ISL1: variants seen among roughly 807,000 people sequenced by gnomAD.
ISL1 encodes ISL LIM homeobox 1.
ISL1 carries 4 observed loss-of-function variants against 35.3 expected under a neutral mutation model. That is an observed-to-expected ratio of 0.11 (90% CI 0.06 to 0.26). ISL1 has a LOEUF of 0.26. Among genes scored for constraint, ISL1 ranks in the 10% least tolerant of loss-of-function variants. The probability of loss-of-function intolerance (pLI) is 1.00; values close to 1 mark genes in which losing one functional copy is unlikely to be tolerated. For synonymous variants in ISL1, 186 were observed against 172.3 expected, an observed-to-expected ratio of 1.08 and a Z score of -0.62; for missense variants, 340 against 472.8, an observed-to-expected ratio of 0.72 and a Z score of 2.60.
Position 51,389,663 on chromosome 5 carries a change from A to C in ISL1, c.496A>C (p.Arg166=). The change falls in exon 4 of 6, where the codon AGG becomes CGG. Residue 166 remains arginine (R), a synonymous_variant. Transcript: ENST00000230658. The surrounding 1 kb of genome is among the most constrained non-coding windows in gnomAD (Gnocchi z 5.0). ...LQMAAEPISA[R]QPALRPHVHK... is the part of the protein sequence containing the mutation. ...CCCCGCAGCGGAGCCCATCTCCGCC[A>C]GGCAGCCAGCCCTGCGGCCCCACGT... 1 of 1,610,554 alleles carries C rather than the reference A, an allele frequency of 6.2e-7. No homozygotes were observed. The highest frequency in any genetic ancestry group is 8.5e-7 in the Non-Finnish European group (1 of 1,179,634).
chr5:51,384,241 GA>G (rs1240056881), intron 1 of ISL1, among the ~76,000 whole-genome samples: 5 of 123,832 alleles, frequency 4.0e-5, no homozygotes, highest in African/African-American at 9.5e-5. Flanking sequence ...TAGCAAAGAG[GA>G]AGGGGGGGGG....
intron 5 of ISL1, among the ~76,000 whole-genome samples, chr5:51,391,749 TG>T (rs1747520653): frequency 6.6e-6 from 1 of 151,958 alleles, no homozygotes; most frequent in Non-Finnish European, 1.5e-5. Flanking sequence ...AGATGTACAG[TG>T]TTGGAGAATC....
chr5:51,390,171 A>T (rs1010753706), intron 4 of ISL1, among the ~76,000 whole-genome samples: 1 of 152,162 alleles, frequency 6.6e-6, no homozygotes, highest in Non-Finnish European at 1.5e-5. Context: ...AGCAGCATCC[A>T]GGTCCCAACC....
intron 5 of ISL1, among the ~76,000 whole-genome samples, chr5:51,392,099 G>A (rs1291480696): frequency 1.3e-5 from 2 of 152,142 alleles, no homozygotes; most frequent in South Asian, 4.1e-4. Context: ...ATGTCATAGA[G>A]ACACACAGTG....
intron 2 of ISL1, among the ~76,000 whole-genome samples, chr5:51,385,173 A>G (rs745585771): frequency 9.9e-5 from 15 of 152,226 alleles, no homozygotes; most frequent in Non-Finnish European, 2.2e-4. Flanking sequence ...CATCAATGCA[A>G]TAGGTGAAAT....
chr5:51,389,559 AAGCG>A lies in ISL1; in HGVS notation c.479-70_479-67del, dbSNP rs1199747629. On this transcript the variant is annotated intron_variant, in intron 3 of 5. Coordinates refer to ENST00000230658, the MANE Select transcript of ISL1 (RefSeq NM_002202.3). This position sits in a 1 kb window ranked among gnomAD's most constrained non-coding sequence, Gnocchi z 5.0. ...CAAGTAAGCGGGCGGGCGGGCGGGCAAGCGAGCGAGCGAGCGAGCGCGCGACCGC... is the reference window on the plus strand; with the variant it reads ...CAAGTAAGCGGGCGGGCGGGCGGGCAAGCGAGCGAGCGAGCGCGCGACCGC... 309 of 1,241,480 alleles carry A rather than the reference AAGCG, an allele frequency of 2.5e-4. No individual in the cohort carries two copies. Among genetic ancestry groups the A allele is most frequent in the East Asian group, 4.0e-4 (13 of 32,188 alleles). The allele number at this position is 1,241,480 out of a possible 1,614,324, so 76.9% of individuals were successfully genotyped here. A position where few individuals can be genotyped will look rare whatever the true frequency, so the allele number is the denominator to read the frequency against.
rs1372998176 is a variant in ISL1, at chr5:51,389,479, T to C, written c.479-167T>C. The stretch of plus-strand genomic sequence containing the variant: ...CCCCCACCTCTGCCGCCCCCTGCTT[T>C]GTGTGCTGAGGCTGCAAACCCTAGC... On this transcript the variant is annotated intron_variant, in intron 3 of 5. Coordinates refer to ENST00000230658, the MANE Select transcript of ISL1 (RefSeq NM_002202.3). The surrounding 1 kb of genome is among the most constrained non-coding windows in gnomAD (Gnocchi z 5.0). Among the ~76,000 whole-genome samples the C allele has an allele frequency of 1.4e-5, 2 of 148,138 alleles. No homozygotes were observed. Among genetic ancestry groups the C allele is most frequent in the Non-Finnish European group, 3.0e-5 (2 of 67,138 alleles).
intron 2 of ISL1, chr5:51,386,227 A>G (rs1747338187): frequency 6.3e-6 from 1 of 159,800 alleles, no homozygotes; most frequent in Non-Finnish European, 1.4e-5. Flanking sequence ...AAGATTCTAG[A>G]GAAGGAGAGC....
At position 51,389,998 on chromosome 5, in the gene ISL1, C is replaced by A; in HGVS notation, c.765+66C>A. The A allele has an allele frequency of 6.4e-7, 1 of 1,555,460 alleles. No individual in the cohort carries two copies. On this transcript the variant is annotated intron_variant, in intron 4 of 5. Coordinates refer to ENST00000230658, the MANE Select transcript of ISL1 (RefSeq NM_002202.3). The surrounding 1 kb of genome is among the most constrained non-coding windows in gnomAD (Gnocchi z 5.0). The stretch of plus-strand genomic sequence containing the variant: ...GGAGACGCAGCGTGCGAGGTGCGTT[C>A]CTGGTACGCAGGATCGCACGGTTTT...
chr5:51,384,173 G>A (rs558606665), intron 1 of ISL1, among the ~76,000 whole-genome samples: 9 of 144,826 alleles, frequency 6.2e-5, no homozygotes, highest in Non-Finnish European at 1.3e-4. Context: ...TTCACTTAAC[G>A]CTTCTAGTCA....
chr5:51,389,615 C>T lies in ISL1; in HGVS notation c.479-31C>T, dbSNP rs377100014. ...GGCGGGCCGGCAAGCGAGCCTCCAG[C>T]CCAGCGCTCACGGCGCTCCTTGCCC... On this transcript the variant is annotated intron_variant, in intron 3 of 5. Coordinates refer to ENST00000230658, the MANE Select transcript of ISL1 (RefSeq NM_002202.3). The surrounding 1 kb of genome is among the most constrained non-coding windows in gnomAD (Gnocchi z 5.0). 351 of 1,587,708 alleles carry T rather than the reference C, an allele frequency of 2.2e-4. 6 individuals carry two copies. The South Asian group carries it at 3.1e-3, about 14-fold the overall frequency.
intron 2 of ISL1, among the ~76,000 whole-genome samples, chr5:51,386,825 G>A (rs1482162823): frequency 6.6e-6 from 1 of 152,152 alleles, no homozygotes; most frequent in Non-Finnish European, 1.5e-5. Context: ...TAACATTGCT[G>A]CCTGAAGAAA....
In ISL1 at chr5:51,387,523, C is replaced by T. The variant is rs755161643; in HGVS notation, c.252C>T (p.Ile84=). ...GGATCAAATGCGCCAAGTGCAGCAT[C>T]GGCTTCAGCAAGAACGACTTCGTGA... The part of the protein sequence containing the change: ...LYGIKCAKCS[I]GFSKNDFVMR... Residue 84 remains isoleucine, a synonymous_variant, in exon 3 of 6, where the codon ATC becomes ATT. Coordinates refer to ENST00000230658, the MANE Select transcript of ISL1 (RefSeq NM_002202.3). This position sits in a 1 kb window ranked among gnomAD's most constrained non-coding sequence, Gnocchi z 4.3. 6.2e-7 allele frequency: 1 copy of T among 1,614,180 alleles called. No individual in the cohort carries two copies. Among genetic ancestry groups the T allele is most frequent in the East Asian group, 2.2e-5 (1 of 44,872 alleles).
In ISL1 at chr5:51,383,676, G is replaced by T; in HGVS notation, c.5G>T (p.Gly2Val). Residue 2 changes from glycine (G) to valine (V), a missense_variant, in exon 1 of 6, where the codon GGA becomes GTA. This residue lies in a region of ISL1 where 22 missense variants were observed against 18.4 expected (regional missense o/e 1.20). Transcript: ENST00000230658. Reference sequence around the variant, plus strand: ...ACATTACTCCCTCTTACAGATATGGGAGACATGGGAGATCCACCAAAAAGT... The same window carrying T: ...ACATTACTCCCTCTTACAGATATGGTAGACATGGGAGATCCACCAAAAAGT... M[G>V]DMGDPPKKKR... 6.2e-7 allele frequency: 1 copy of T among 1,610,828 alleles called. No individual in the cohort carries two copies. The highest frequency in any genetic ancestry group is 8.5e-7 in the Non-Finnish European group (1 of 1,176,976).
Position 51,387,477 on chromosome 5 carries a change from C to A in ISL1, c.219-13C>A, listed in dbSNP as rs759170979. ...CGCTCTGGGCCGCCTCCGCTCCCCCCTCCCCCGCACAGGTTGTACGGGATC... is the reference window on the plus strand; with the variant it reads ...CGCTCTGGGCCGCCTCCGCTCCCCCATCCCCCGCACAGGTTGTACGGGATC... On this transcript the variant is annotated splice_polypyrimidine_tract_variant and intron_variant, in intron 2 of 5. Coordinates refer to ENST00000230658, the MANE Select transcript of ISL1 (RefSeq NM_002202.3). The surrounding 1 kb of genome is among the most constrained non-coding windows in gnomAD (Gnocchi z 4.3). The A allele has an allele frequency of 1.2e-6, 2 of 1,613,824 alleles. No individual in the cohort carries two copies. The highest frequency in any genetic ancestry group is 1.7e-6 in the Non-Finnish European group (2 of 1,179,900).
intron 1 of ISL1, among the ~76,000 whole-genome samples, chr5:51,383,972 C>G (rs569821295): frequency 9.2e-5 from 14 of 152,224 alleles, no homozygotes; most frequent in Admixed American, 5.2e-4. Flanking sequence ...CCTGGGGAAT[C>G]CTGAGCTCTC....
At chr5:51,391,213 C>A in intron 4 of ISL1, 61 bp from the exon 5 acceptor site, 2 of 1,572,532 alleles carry the variant, frequency 1.3e-6, no homozygotes, top group Non-Finnish European at 1.7e-6. Flanking sequence ...CCTGTGCAGA[C>A]AACGGAGGGA....
chr5:51,389,669 C>T lies in ISL1; in HGVS notation c.502C>T (p.Pro168Ser). ...AGCGGAGCCCATCTCCGCCAGGCAGCCAGCCCTGCGGCCCCACGTCCACAA... is the reference window on the plus strand; with the variant it reads ...AGCGGAGCCCATCTCCGCCAGGCAGTCAGCCCTGCGGCCCCACGTCCACAA... ...MAAEPISARQ[P>S]ALRPHVHKQP... The change falls in exon 4 of 6, where the codon CCA becomes TCA. Residue 168 changes from proline (P) to serine (S), a missense_variant. This residue lies in a region of ISL1 where 94 missense variants were observed against 102.1 expected (regional missense o/e 0.92). Transcript: ENST00000230658. This position sits in a 1 kb window ranked among gnomAD's most constrained non-coding sequence, Gnocchi z 5.0. 1 of 1,611,144 alleles carries T rather than the reference C, an allele frequency of 6.2e-7. No individual in the cohort carries two copies. Among genetic ancestry groups the T allele is most frequent in the Non-Finnish European group, 8.5e-7 (1 of 1,179,710 alleles).
At position 51,393,880 on chromosome 5, in the gene ISL1, A is replaced by G. The variant is rs1747575022; in HGVS notation, c.*270A>G. 4.2e-6 allele frequency: 2 copies of G among 476,512 alleles called. No homozygotes were observed. The highest frequency in any genetic ancestry group is 3.6e-5 in the Admixed American group (1 of 27,474). The allele number at this position is 476,512 out of a possible 1,614,324, so 29.5% of individuals were successfully genotyped here. ...ATGATCTTAGAAGTACTGAAAAAAA[A>G]AGACGTTTTTAAAACGTAGAGGATT... On this transcript the variant is annotated 3_prime_UTR_variant, in exon 6 of 6. Coordinates refer to ENST00000230658, the MANE Select transcript of ISL1 (RefSeq NM_002202.3).
Sources: allele counts gnomAD v4.1 joint callset (sites outside exome capture counted in the v4.1 genomes callset), GRCh38; gene constraint gnomAD v4.1.1; regional missense constraint gnomAD v4.1.1; non-coding constraint Gnocchi (gnomAD v3.1); transcripts MANE v1.5; gene names NCBI Gene and HGNC (gene_info 2026-07-23, HGNC 2026-07-21).